VDAC1: variants seen among roughly 807,000 people sequenced by gnomAD.
VDAC1 encodes non-selective voltage-gated ion channel VDAC1.
VDAC1 carries 10 observed loss-of-function variants against 34.7 expected under a neutral mutation model. The observed-to-expected ratio is 0.29, with a 90% confidence interval of 0.18 to 0.49. The LOEUF (loss-of-function observed/expected upper bound fraction) is 0.49. Ranked by LOEUF, VDAC1 falls within the 20% of genes least tolerant of loss-of-function variation. The probability of loss-of-function intolerance (pLI) is 0.99; values close to 1 mark genes in which losing one functional copy is unlikely to be tolerated. For missense variants in VDAC1, 230 were observed against 347.9 expected (o/e 0.66, Z 2.69); for synonymous variants, 130 against 136.0 (o/e 0.96, Z 0.30).
the VDAC1 span, among the ~76,000 whole-genome samples, chr5:134,071,743 A>T: frequency 6.6e-6 from 1 of 152,166 alleles, no homozygotes; most frequent in Non-Finnish European, 1.5e-5. This position sits in a 1 kb window ranked among gnomAD's most constrained non-coding sequence, Gnocchi z 4.1. Context: ...GCGGAGTTGG[A>T]GGGTGGCTGT....
At chr5:134,019,547 T>C in the VDAC1 span, among the ~76,000 whole-genome samples, 1 of 152,160 alleles carries the variant, frequency 6.6e-6, no homozygotes, top group Non-Finnish European at 1.5e-5. Context: ...ACCACTGTGA[T>C]GCAGCCTGGG....
the VDAC1 span, among the ~76,000 whole-genome samples, chr5:134,067,078 GTTC>G: frequency 6.7e-6 from 1 of 148,440 alleles, no homozygotes; most frequent in Non-Finnish European, 1.5e-5. Flanking sequence ...TTGATCAAAA[GTTC>G]TTTTTTTTTT....
chr5:133,982,706 A>G (rs1484242701), intron 5 of VDAC1, among the ~76,000 whole-genome samples: 1 of 152,048 alleles, frequency 6.6e-6, no homozygotes, highest in Non-Finnish European at 1.5e-5. Context: ...CCTGGCCAAC[A>G]TGGCAAAACC....
At chr5:134,034,498 A>G in the VDAC1 span, among the ~76,000 whole-genome samples, 1 of 152,210 alleles carries the variant, frequency 6.6e-6, no homozygotes, top group South Asian at 2.1e-4. Context: ...CGACGCGTCC[A>G]CTAGCCCGGG....
rs1752464713 is a variant in VDAC1, at chr5:133,975,958, A to G, written c.615T>C (p.Ala205=). ...YQKVNKKLET[A]VNLAWTAGNS... is the part of the protein sequence containing the mutation. ...TTCCTGCTGTCCAGGCAAGATTGAC[A>G]GCGGTCTCCAACTTCTTGTTCACTT... The change falls in exon 7 of 9, where the codon GCT becomes GCC. Residue 205 remains alanine (A), a synonymous_variant. Transcript: ENST00000265333. The G allele has an allele frequency of 6.2e-7, 1 of 1,613,640 alleles. No homozygotes were observed. Among genetic ancestry groups the G allele is most frequent in the Non-Finnish European group, 8.5e-7 (1 of 1,179,982 alleles).
chr5:134,060,533 T>G, the VDAC1 span, among the ~76,000 whole-genome samples: 101 of 152,026 alleles, frequency 6.6e-4, 7 homozygotes, highest in Admixed American at 1.2e-3. Context: ...TGGAAGCATT[T>G]CAAACACATT....
Position 133,979,209 on chromosome 5 carries a change from A to C in VDAC1, c.551+1520T>G, listed in dbSNP as rs187243082. ...TTATTTAAAATGCTGAAGCTCAGATATGTGGGGGAAATGGCTAACAGCCAT... is the reference window on the plus strand; with the variant it reads ...TTATTTAAAATGCTGAAGCTCAGATCTGTGGGGGAAATGGCTAACAGCCAT... On this transcript the variant is annotated intron_variant, in intron 6 of 8. Transcript: ENST00000265333. Among the ~76,000 whole-genome samples the C allele has an allele frequency of 2.6e-5, 4 of 152,274 alleles. No individual in the cohort carries two copies. In the East Asian group the frequency reaches 7.7e-4, roughly 29 times the overall value.
At chr5:134,051,060 C>G in the VDAC1 span, among the ~76,000 whole-genome samples, 2 of 152,216 alleles carry the variant, frequency 1.3e-5, no homozygotes, top group Admixed American at 6.5e-5. Context: ...CCCGGGGAAC[C>G]AGTGAGGCTG....
chr5:134,108,287 C>A, the VDAC1 span, among the ~76,000 whole-genome samples: 4 of 152,200 alleles, frequency 2.6e-5, no homozygotes, highest in Admixed American at 2.6e-4. Flanking sequence ...TATGCAACAG[C>A]CCCATCCCCT....
chr5:134,075,215 C>T, the VDAC1 span, among the ~76,000 whole-genome samples: 1 of 152,232 alleles, frequency 6.6e-6, no homozygotes, highest in African/African-American at 2.4e-5. Context: ...ACCATTCACA[C>T]TTCTATTTGC....
the VDAC1 span, among the ~76,000 whole-genome samples, chr5:134,102,954 G>C: frequency 4.6e-5 from 7 of 152,058 alleles, no homozygotes; most frequent in African/African-American, 1.7e-4. Flanking sequence ...TGGTCCCAGA[G>C]AAGGTGGGAC....
chr5:134,048,571 C>G, the VDAC1 span, among the ~76,000 whole-genome samples: 1 of 152,172 alleles, frequency 6.6e-6, no homozygotes, highest in Non-Finnish European at 1.5e-5. Flanking sequence ...CCGTGCTTGG[C>G]CTGACTTTTT....
chr5:134,112,594 C>T, the VDAC1 span, among the ~76,000 whole-genome samples: 2 of 152,104 alleles, frequency 1.3e-5, no homozygotes, highest in Admixed American at 6.5e-5. Flanking sequence ...TCCAAAGAAA[C>T]TTGAGGGTGG....
chr5:134,064,523 C>G, the VDAC1 span, among the ~76,000 whole-genome samples: 1 of 151,856 alleles, frequency 6.6e-6, no homozygotes, highest in Non-Finnish European at 1.5e-5. Flanking sequence ...AGGCTGGTCT[C>G]GAACTCCTGA....
At chr5:134,095,685 G>C in the VDAC1 span, among the ~76,000 whole-genome samples, 1 of 151,988 alleles carries the variant, frequency 6.6e-6, no homozygotes, top group Non-Finnish European at 1.5e-5. Context: ...AGCTGGGAGA[G>C]GCGAGCTGAG....
chr5:133,991,127 T>A lies in VDAC1; in HGVS notation c.145A>T (p.Thr49Ser), dbSNP rs749606749. 4 of 1,612,762 alleles carry A rather than the reference T, an allele frequency of 2.5e-6. No homozygotes were observed. The Admixed American group carries it at 6.7e-5, about 27-fold the overall frequency. ...CTGCCCGTCACTTTGGTGGTCTCAG[T>A]GTTGGCTGAGCCTGAGCTTGTAAAT... Reference protein sequence around the residue: ...LEFTSSGSANTETTKVTGSLE... With the variant: ...LEFTSSGSANSETTKVTGSLE... Residue 49 changes from threonine to serine, a missense_variant, in exon 4 of 9, where the codon ACT becomes TCT. Coordinates refer to ENST00000265333, the MANE Select transcript of VDAC1 (RefSeq NM_003374.3).
the VDAC1 span, among the ~76,000 whole-genome samples, chr5:134,059,619 C>T: frequency 6.6e-6 from 1 of 152,068 alleles, no homozygotes; most frequent in African/African-American, 2.4e-5. Flanking sequence ...AGCACACCCC[C>T]GAGCCATTTG....
chr5:134,022,557 C>A, the VDAC1 span, among the ~76,000 whole-genome samples: 1 of 152,176 alleles, frequency 6.6e-6, no homozygotes, highest in Non-Finnish European at 1.5e-5. Flanking sequence ...GCCCTAATGA[C>A]CTAATCGTCT....
chr5:134,024,528 CAA>C, the VDAC1 span, among the ~76,000 whole-genome samples: 1 of 66,252 alleles, frequency 1.5e-5, no homozygotes. Context: ...GACCCTGTCT[CAA>C]AAAAAAAAAG....
Sources: allele counts gnomAD v4.1 joint callset (sites outside exome capture counted in the v4.1 genomes callset), GRCh38; gene constraint gnomAD v4.1.1; non-coding constraint Gnocchi (gnomAD v3.1); transcripts MANE v1.5; gene names NCBI Gene and HGNC (gene_info 2026-07-23, HGNC 2026-07-21).